DPY19L3: variants seen among roughly 807,000 people sequenced by gnomAD.
The protein encoded by DPY19L3 is protein C-mannosyl-transferase DPY19L3.
Under a neutral mutation model 92.3 loss-of-function variants are expected in DPY19L3, and 51 were observed. The ratio of observed to expected loss-of-function variants is 0.55; its 90% CI spans 0.44 to 0.70. DPY19L3 has a LOEUF of 0.70. Among genes scored for constraint, DPY19L3 ranks in the 30% least tolerant of loss-of-function variants. The probability of loss-of-function intolerance (pLI) is 0.00; values close to 1 mark genes in which losing one functional copy is unlikely to be tolerated. For missense variants in DPY19L3, 706 were observed against 855.9 expected (o/e 0.82, Z 2.18); for synonymous variants, 309 against 315.2 (o/e 0.98, Z 0.21).
chr19:32,443,142 C>T (rs1031867891), intron 8 of DPY19L3, among the ~76,000 whole-genome samples: 41 of 152,098 alleles, frequency 2.7e-4, no homozygotes, highest in African/African-American at 9.2e-4. Flanking sequence ...GCAGTGGTGA[C>T]GCACCTCTGT....
intron 15 of DPY19L3, among the ~76,000 whole-genome samples, chr19:32,465,072 T>G (rs2145602372): frequency 6.6e-6 from 1 of 152,352 alleles, no homozygotes; most frequent in South Asian, 2.1e-4. Context: ...AATAAGGTGT[T>G]TTCAGACCTA....
At chr19:32,415,364 C>A (rs192937494) in intron 3 of DPY19L3, among the ~76,000 whole-genome samples, 2 of 152,230 alleles carry the variant, frequency 1.3e-5, no homozygotes, top group African/African-American at 4.8e-5. Context: ...GATGAGTGTC[C>A]TAGAAGAGGG....
intron 3 of DPY19L3, among the ~76,000 whole-genome samples, chr19:32,428,999 C>T (rs1207575051): frequency 3.9e-5 from 6 of 152,054 alleles, no homozygotes; most frequent in Non-Finnish European, 7.4e-5. Flanking sequence ...AGGCGCCTGC[C>T]ACCGCGCTTG....
At chr19:32,454,621 C>T (rs1052910196) in intron 9 of DPY19L3, among the ~76,000 whole-genome samples, 8 of 152,010 alleles carry the variant, frequency 5.3e-5, no homozygotes, top group African/African-American at 1.9e-4. Flanking sequence ...GTTCAGTCAG[C>T]GTATCCTGAG....
intron 17 of DPY19L3, among the ~76,000 whole-genome samples, chr19:32,479,923 C>T (rs1344199618): frequency 2.6e-5 from 4 of 152,178 alleles, no homozygotes; most frequent in African/African-American, 7.2e-5. Flanking sequence ...GAGCAGAGAC[C>T]CTACAGGGAT....
chr19:32,464,686 G>T (rs767938952), intron 14 of DPY19L3, 42 bp from the exon 15 acceptor site: 4 of 1,293,260 alleles, frequency 3.1e-6, no homozygotes, highest in Non-Finnish European at 4.3e-6. Context: ...AAAAGAAAAG[G>T]TTCAAAATAC....
At chr19:32,468,650 T>C in intron 15 of DPY19L3, 81 bp from the exon 16 acceptor site, 17 of 1,566,678 alleles carry the variant, frequency 1.1e-5, no homozygotes, top group Non-Finnish European at 1.5e-5. Context: ...ATGCAGTTTA[T>C]CTTTTTTTCA....
At chr19:32,462,133 GC>G (rs1208219031) in intron 12 of DPY19L3, among the ~76,000 whole-genome samples, 2 of 152,262 alleles carry the variant, frequency 1.3e-5, no homozygotes, top group South Asian at 4.1e-4. Context: ...CACTTCTCTT[GC>G]ACTTTGGGGC....
chr19:32,458,607 T>A, intron 12 of DPY19L3, 98 bp downstream of exon 12: 2 of 1,243,224 alleles, frequency 1.6e-6, no homozygotes, highest in Non-Finnish European at 2.2e-6. Context: ...CAGACACAAG[T>A]AATAGTATTC....
intron 8 of DPY19L3, among the ~76,000 whole-genome samples, chr19:32,443,901 C>G (rs372081972): frequency 6.6e-6 from 1 of 151,976 alleles, no homozygotes; most frequent in South Asian, 2.1e-4. Flanking sequence ...ACTAAAAATA[C>G]AAAAATTAAC....
intron 1 of DPY19L3, among the ~76,000 whole-genome samples, chr19:32,407,414 A>G (rs1271683065): frequency 6.6e-6 from 1 of 152,204 alleles, no homozygotes; most frequent in East Asian, 1.9e-4. Context: ...CAGGTACCTG[A>G]GACAAAACAA....
chr19:32,478,441 T>C (rs1324315648), intron 17 of DPY19L3, among the ~76,000 whole-genome samples: 3 of 152,216 alleles, frequency 2.0e-5, no homozygotes, highest in Non-Finnish European at 4.4e-5. Context: ...GGGTTTTTGT[T>C]TTTTAATAGA....
At position 32,445,285 on chromosome 19, in the gene DPY19L3, C is replaced by G. The variant is rs185063648; in HGVS notation, c.855+5375C>G. On this transcript the variant is annotated intron_variant, in intron 8 of 18. Coordinates refer to ENST00000392250, the MANE Select transcript of DPY19L3 (RefSeq NM_001172774.2). ...TGAAACCCTGTCTCTACTAAAAATA[C>G]AAAAAATTAGCCAGGCATGGTGGCA... 4.6e-4 allele frequency among the ~76,000 whole-genome samples: 69 copies of G among 150,194 alleles called. No homozygotes were observed. In the Middle Eastern group the frequency reaches 0.01, roughly 23 times the overall value.
chr19:32,413,572 G>A (rs201109121), intron 3 of DPY19L3, among the ~76,000 whole-genome samples: 1 of 151,496 alleles, frequency 6.6e-6, no homozygotes, highest in Admixed American at 6.6e-5. Context: ...CTAGCATTAG[G>A]TATATCTCCC....
In DPY19L3 at chr19:32,458,019, A is replaced by G; in HGVS notation, c.1090-81A>G. 2.8e-6 allele frequency: 3 copies of G among 1,061,776 alleles called. No individual in the cohort carries two copies. The Admixed American group carries it at 6.2e-5, about 22-fold the overall frequency. 65.8% of individuals were successfully genotyped at this position (1,061,776 alleles called of 1,614,324 possible). On this transcript the variant is annotated intron_variant, in intron 10 of 18. Transcript: ENST00000392250. Reference sequence around the variant, plus strand: ...ACGCTCCTGTGAAATTGGACACTGAATATGTAAATTCAATGGGAAGTTATC... The same window carrying G: ...ACGCTCCTGTGAAATTGGACACTGAGTATGTAAATTCAATGGGAAGTTATC...
In DPY19L3 at chr19:32,477,661, C is replaced by A. The variant is rs781483476; in HGVS notation, c.1830+7C>A. 9 of 1,613,726 alleles carry A rather than the reference C, an allele frequency of 5.6e-6. No homozygotes were observed. Among genetic ancestry groups the A allele is most frequent in the African/African-American group, 1.3e-5 (1 of 74,926 alleles). The stretch of plus-strand genomic sequence containing the variant: ...GAGAGAGCGGACCAGAGCGGTGAGG[C>A]TCCCCAGTGCCTCCCCTCGCTTCTT... On this transcript the variant is annotated splice_region_variant and intron_variant, in intron 17 of 18. Transcript: ENST00000392250.
rs148870914 is a variant in DPY19L3, at chr19:32,435,288, C to G, written c.329-1158C>G. 9.0e-4 allele frequency among the ~76,000 whole-genome samples: 137 copies of G among 152,322 alleles called. 2 individuals are homozygous for G. The Middle Eastern group carries it at 0.024, about 26-fold the overall frequency. ...CTCCTGTAGGCCCTGTCTCCAAGAA[C>G]AGTCATATTAGGGCTTCGGGCTTCA... is the stretch of plus-strand genomic sequence containing the variant. On this transcript the variant is annotated intron_variant, in intron 4 of 18. Coordinates refer to ENST00000392250, the MANE Select transcript of DPY19L3 (RefSeq NM_001172774.2).
Position 32,458,178 on chromosome 19 carries a change from A to G in DPY19L3, c.1163+5A>G. 1.2e-6 allele frequency: 2 copies of G among 1,611,912 alleles called. No homozygotes were observed. The highest frequency in any genetic ancestry group is 1.7e-6 in the Non-Finnish European group (2 of 1,178,844). On this transcript the variant is annotated splice_donor_5th_base_variant and intron_variant, in intron 11 of 18. Coordinates refer to ENST00000392250, the MANE Select transcript of DPY19L3 (RefSeq NM_001172774.2). ...ATTTGGGCTTGGAGCAACAAGGTAT[A>G]ACTGAATTGAAAGTCTATGTTTGCT...
At position 32,463,358 on chromosome 19, in the gene DPY19L3, T is replaced by C; in HGVS notation, c.1323-8T>C. ...AGCTTAAATTTTGTATGTTGCTGTT[T>C]TACTCAGTGATTCTACAAATCAACA... On this transcript the variant is annotated splice_polypyrimidine_tract_variant and splice_region_variant and intron_variant, in intron 12 of 18. Transcript: ENST00000392250. 1 of 1,613,202 alleles carries C rather than the reference T, an allele frequency of 6.2e-7. No homozygotes were observed. The highest frequency in any genetic ancestry group is 8.5e-7 in the Non-Finnish European group (1 of 1,179,556).
Sources: gnomAD v4.1 joint callset for allele counts (sites outside exome capture counted in the v4.1 genomes callset) on GRCh38, gnomAD v4.1.1 for gene constraint, MANE v1.5 for transcripts, NCBI Gene and HGNC (gene_info 2026-07-23, HGNC 2026-07-21) for gene names.